The following HERC4 variants were observed in gnomAD, a reference collection of about 807,000 sequenced individuals.
The protein encoded by HERC4 is probable E3 ubiquitin-protein ligase HERC4.
In HERC4, 28 loss-of-function variants were observed where a neutral mutation model predicts 124.3. That is an observed-to-expected ratio of 0.23 (90% CI 0.17 to 0.31). The LOEUF is 0.31. Among genes scored for constraint, HERC4 ranks in the 10% least tolerant of loss-of-function variants. The pLI is 1.00. For missense variants in HERC4, 713 were observed against 1,229.3 expected (o/e 0.58, Z 6.28); for synonymous variants, 407 against 421.5 (o/e 0.97, Z 0.42).
chr10:68,071,763 A>C (rs1045063309), intron 3 of HERC4, among the ~76,000 whole-genome samples: 7 of 152,256 alleles, frequency 4.6e-5, no homozygotes, highest in Non-Finnish European at 1.0e-4. Context: ...AAGAATTAAA[A>C]ATCTATTTTA....
chr10:68,022,525 AAAT>A (rs1216714237), intron 8 of HERC4, among the ~76,000 whole-genome samples: 4 of 150,798 alleles, frequency 2.7e-5, no homozygotes, highest in Non-Finnish European at 5.9e-5. Context: ...ATAAATAAAT[AAAT>A]AAATAAATAA....
chr10:67,993,825 A>T (rs1427820792), intron 9 of HERC4: 1 of 152,170 alleles, frequency 6.6e-6, no homozygotes, highest in Non-Finnish European at 1.5e-5. Flanking sequence ...TATTACCAAA[A>T]ATATTGCTTG....
intron 23 of HERC4, among the ~76,000 whole-genome samples, chr10:67,928,378 A>G (rs2031390358): frequency 6.6e-6 from 1 of 152,174 alleles, no homozygotes; most frequent in South Asian, 2.1e-4. Flanking sequence ...AAGAACCTTC[A>G]ATCTCCTTCC....
intron 7 of HERC4, among the ~76,000 whole-genome samples, chr10:68,026,800 G>A (rs1021744582): frequency 3.3e-5 from 5 of 151,592 alleles, no homozygotes; most frequent in Admixed American, 2.0e-4. Flanking sequence ...CCGAGATCAC[G>A]CCACTGCACT....
intron 3 of HERC4, 33 bp from the exon 4 acceptor site, chr10:68,044,596 T>C (rs774133157): frequency 6.9e-6 from 11 of 1,591,938 alleles, no homozygotes; most frequent in Non-Finnish European, 8.6e-7. Context: ...TATTGCATTC[T>C]AGTACAGAAA....
At chr10:68,037,990 G>T in intron 5 of HERC4, 103 bp downstream of exon 5, 1 of 659,502 alleles carries the variant, frequency 1.5e-6, no homozygotes, top group African/African-American at 1.9e-5. Flanking sequence ...AAGAACCAGG[G>T]CAATCTTGCA....
chr10:68,022,594 A>G (rs567329979), intron 8 of HERC4, among the ~76,000 whole-genome samples: 61 of 152,150 alleles, frequency 4.0e-4, no homozygotes, highest in African/African-American at 1.3e-3. Flanking sequence ...ATAAAACTCT[A>G]AGAAGCAAAC....
chr10:67,970,950 T>C (rs2035198540), intron 15 of HERC4, among the ~76,000 whole-genome samples: 1 of 151,426 alleles, frequency 6.6e-6, no homozygotes, highest in Non-Finnish European at 1.5e-5. Context: ...GAGAAGAAAT[T>C]AAAAGCAAAT....
At chr10:68,037,091 CTTTTTTT>C (rs35105661) in intron 5 of HERC4, among the ~76,000 whole-genome samples, 5 of 106,948 alleles carry the variant, frequency 4.7e-5, no homozygotes, top group African/African-American at 1.9e-4. Flanking sequence ...CCTATTTCTT[CTTTTTTT>C]TTTTTTTTTT....
chr10:68,014,017 A>G lies in HERC4; in HGVS notation c.1069+9T>C. The stretch of plus-strand genomic sequence containing the variant: ...ATATGAAGGAAAGCTTTAATATGAC[A>G]GAACTTACCAATATCTGGTAGACAC... On this transcript the variant is annotated intron_variant, in intron 9 of 24. Coordinates refer to ENST00000373700, the MANE Select transcript of HERC4 (RefSeq NM_015601.4). 1.3e-6 allele frequency: 2 copies of G among 1,580,012 alleles called. No individual in the cohort carries two copies. Among genetic ancestry groups the G allele is most frequent in the Non-Finnish European group, 1.7e-6 (2 of 1,166,612 alleles).
rs768685366 is a variant in HERC4, at chr10:67,925,213, GT to G, written c.2839-27del. The stretch of plus-strand genomic sequence containing the variant: ...CTAAAAACAACATAATCTTTTATTA[GT>G]ATTAAGGGACACACTGGCTAATATA... On this transcript the variant is annotated intron_variant, in intron 23 of 24. Transcript: ENST00000373700. 2.3e-6 allele frequency: 3 copies of G among 1,301,796 alleles called. No homozygotes were observed. In the Admixed American group the frequency reaches 5.2e-5, roughly 23 times the overall value. The allele number at this position is 1,301,796 out of a possible 1,614,324, so 80.6% of individuals were successfully genotyped here.
intron 8 of HERC4, among the ~76,000 whole-genome samples, chr10:68,019,055 G>A (rs1187014554): frequency 1.4e-5 from 2 of 146,672 alleles, no homozygotes; most frequent in African/African-American, 2.5e-5. Context: ...GGAGTGCAAT[G>A]GTGCGATCTC....
chr10:68,026,080 A>T (rs532032181), intron 7 of HERC4, among the ~76,000 whole-genome samples: 1 of 152,276 alleles, frequency 6.6e-6, no homozygotes, highest in South Asian at 2.1e-4. Flanking sequence ...AGAGTGCATA[A>T]ATAGAGCAAT....
At chr10:68,069,913 G>T in intron 3 of HERC4, 1 of 376,504 alleles carries the variant, frequency 2.7e-6, no homozygotes, top group Non-Finnish European at 3.7e-6. Flanking sequence ...ATGGTGGCAC[G>T]CCCCTATAGT....
chr10:68,038,748 TCA>T (rs1353475976), intron 4 of HERC4, among the ~76,000 whole-genome samples: 1 of 152,208 alleles, frequency 6.6e-6, no homozygotes, highest in Non-Finnish European at 1.5e-5. Context: ...TTTACTCAAT[TCA>T]CAGTTATAAC....
intron 4 of HERC4, among the ~76,000 whole-genome samples, chr10:68,042,073 G>A (rs1275310307): frequency 6.6e-6 from 1 of 152,146 alleles, no homozygotes; most frequent in Non-Finnish European, 1.5e-5. Context: ...CTGGAGTGCA[G>A]TGGTGCAATC....
rs117353109 is a variant in HERC4, at chr10:68,050,361, A to G, written c.227-5798T>C. On this transcript the variant is annotated intron_variant, in intron 3 of 24. Transcript: ENST00000373700. ...CTTTTCAAAACAAACAATAAATAAA[A>G]TATAACTTAAAAAATATAAAAGAAA... 4.4e-4 allele frequency among the ~76,000 whole-genome samples: 67 copies of G among 152,370 alleles called. No individual in the cohort carries two copies. In the East Asian group the frequency reaches 0.01, roughly 24 times the overall value.
At position 67,997,526 on chromosome 10, in the gene HERC4, C is replaced by A. The variant is rs1026907350; in HGVS notation, c.1070-4844G>T. 2.6e-5 allele frequency among the ~76,000 whole-genome samples: 4 copies of A among 152,234 alleles called. 1 individual carries two copies. In the South Asian group the frequency reaches 8.3e-4, roughly 32 times the overall value. On this transcript the variant is annotated intron_variant, in intron 9 of 24. Coordinates refer to ENST00000373700, the MANE Select transcript of HERC4 (RefSeq NM_015601.4). ...TGAAGTATCCACATTTCCTCTCATA[C>A]TTATTTGATTTTTGCCTTCCTGTGA...
rs1454212232 is a variant in HERC4 at position 67,922,996 on chromosome 10, T to C, written c.3085A>G (p.Lys1029Glu). 1 of 1,613,886 alleles carries C rather than the reference T, an allele frequency of 6.2e-7. No individual in the cohort carries two copies. The highest frequency in any genetic ancestry group is 8.5e-7 in the Non-Finnish European group (1 of 1,179,776). The change falls in exon 25 of 25, where the codon AAA becomes GAA. Residue 1029 changes from lysine (K) to glutamate (E), a missense_variant. Transcript: ENST00000373700. ...ATCAGTTTAGAGCGTAGAGTTTCTTTTTCTGTATATTTTGGAAGATCCAGA... is the reference window on the plus strand; with the variant it reads ...ATCAGTTTAGAGCGTAGAGTTTCTTCTTCTGTATATTTTGGAAGATCCAGA... ...NLLDLPKYTE[K>E]ETLRSKLIQA...
Sources: gnomAD v4.1 joint callset for allele counts (sites outside exome capture counted in the v4.1 genomes callset) on GRCh38, gnomAD v4.1.1 for gene constraint, MANE v1.5 for transcripts, NCBI Gene and HGNC (gene_info 2026-07-23, HGNC 2026-07-21) for gene names.